Variants in ZNF883 observed in about 807,000 individuals in gnomAD.
The protein encoded by ZNF883 is zinc finger protein 883.
intron 1 of ZNF883, among the ~76,000 whole-genome samples, 171 bp downstream of exon 1, chr9:113,011,979 C>T (rs960984798): frequency 6.6e-6 from 1 of 152,190 alleles, no homozygotes; most frequent in Non-Finnish European, 1.5e-5. Flanking sequence ...ACCACCCCTC[C>T]ACTGCAACGT....
At chr9:112,993,530 C>T (rs2118601153), downstream of ZNF883, among the ~76,000 whole-genome samples, 1 of 152,330 alleles carries the variant, frequency 6.6e-6, no homozygotes, top group Non-Finnish European at 1.5e-5. Flanking sequence ...AGTCAGGAGG[C>T]ATGGGATCCA....
chr9:113,003,666 G>T (rs569309886), intron 2 of ZNF883, among the ~76,000 whole-genome samples: 5 of 151,514 alleles, frequency 3.3e-5, no homozygotes, highest in African/African-American at 9.7e-5. Context: ...AGATTCCACT[G>T]CCCTCAAACC....
chr9:112,990,783 T>C (rs1343858626), intron 1 of ZNF883, among the ~76,000 whole-genome samples: 2 of 152,090 alleles, frequency 1.3e-5, no homozygotes, highest in Non-Finnish European at 2.9e-5. Flanking sequence ...TATTATTGCC[T>C]AATTTCAGAA....
exon 1 of ZNF883, chr9:112,997,273 G>C: frequency 6.2e-7 from 1 of 1,614,100 alleles, no homozygotes. Context: ...TTAAGCTGAA[G>C]GATTTCCCAC....
At chr9:112,991,719 C>G (rs1431002586) in intron 1 of ZNF883, among the ~76,000 whole-genome samples, 1 of 152,126 alleles carries the variant, frequency 6.6e-6, no homozygotes, top group African/African-American at 2.4e-5. Context: ...GAATCTAAGT[C>G]TCTTTGTCGG....
At chr9:113,005,990 C>T (rs1340616711) in intron 2 of ZNF883, among the ~76,000 whole-genome samples, 1 of 151,578 alleles carries the variant, frequency 6.6e-6, no homozygotes, top group African/African-American at 2.4e-5. Context: ...CATATGACAC[C>T]ACTGGTAAGA....
chr9:112,988,351 T>A (rs1446161504), intron 1 of ZNF883, among the ~76,000 whole-genome samples: 2 of 115,260 alleles, frequency 1.7e-5, no homozygotes, highest in Non-Finnish European at 2.1e-5. Context: ...CCTGTGTCCA[T>A]GTGTTCTCAT....
chr9:112,992,378 G>C (rs1377421684), downstream of ZNF883, among the ~76,000 whole-genome samples: 1 of 152,188 alleles, frequency 6.6e-6, no homozygotes, highest in East Asian at 1.9e-4. Context: ...TGGGTTGGAA[G>C]TTCTTTCCTT....
At chr9:113,001,072 A>AG (rs946176504), upstream of ZNF883, among the ~76,000 whole-genome samples, 1 of 152,148 alleles carries the variant, frequency 6.6e-6, no homozygotes, top group African/African-American at 2.4e-5. Context: ...GAACAGAGAA[A>AG]GGACTAAGAA....
chr9:112,997,845 C>T (rs767174077), exon 1 of ZNF883: 1 of 1,612,974 alleles, frequency 6.2e-7, no homozygotes, highest in Non-Finnish European at 8.5e-7. Context: ...TGAGTAAGGG[C>T]AGAGATATGG....
At chr9:113,006,706 G>A (rs568316502) in intron 2 of ZNF883, among the ~76,000 whole-genome samples, 1 of 152,106 alleles carries the variant, frequency 6.6e-6, no homozygotes, top group East Asian at 1.9e-4. Context: ...ATAAACTTCA[G>A]AATTTGATAG....
At chr9:112,992,045 C>T (rs1403954314) in intron 1 of ZNF883, among the ~76,000 whole-genome samples, 1 of 152,180 alleles carries the variant, frequency 6.6e-6, no homozygotes, top group Non-Finnish European at 1.5e-5. Flanking sequence ...GCTTGCCATT[C>T]TGTGTCTTTT....
At chr9:113,001,846 T>TA (rs1828428997), upstream of ZNF883, 1 of 152,190 alleles carries the variant, frequency 6.6e-6, no homozygotes, top group Admixed American at 6.5e-5. Flanking sequence ...AAAGTAAGAC[T>TA]ATTTACAAAG....
chr9:113,002,672 T>A (rs571648283), upstream of ZNF883, among the ~76,000 whole-genome samples: 112 of 152,344 alleles, frequency 7.4e-4, no homozygotes, highest in African/African-American at 2.2e-3. Flanking sequence ...ACTATTTTCT[T>A]ACAGCTTGTT....
chr9:112,994,302 T>C (rs1349486433), downstream of ZNF883, among the ~76,000 whole-genome samples: 4 of 151,822 alleles, frequency 2.6e-5, no homozygotes, highest in Non-Finnish European at 5.9e-5. Flanking sequence ...TTTTCCTCAC[T>C]CTCCGTGCTT....
chr9:112,991,729 G>C (rs893912218), intron 1 of ZNF883, among the ~76,000 whole-genome samples: 1 of 152,138 alleles, frequency 6.6e-6, no homozygotes, highest in Non-Finnish European at 1.5e-5. Flanking sequence ...CTCTTTGTCG[G>C]TCTCTAAGAA....
intron 2 of ZNF883, among the ~76,000 whole-genome samples, chr9:113,005,475 G>A (rs1375333469): frequency 1.3e-5 from 2 of 152,114 alleles, no homozygotes. Flanking sequence ...TCATTCATCA[G>A]ATTGGCAAAA....
chr9:112,998,284 T>C, upstream of ZNF883: 1 of 1,448,278 alleles, frequency 6.9e-7, no homozygotes, highest in South Asian at 1.7e-5. Flanking sequence ...GGCTTTACAT[T>C]TATTTATTTT....
intron 1 of ZNF883, among the ~76,000 whole-genome samples, chr9:112,988,511 T>C (rs1339878432): frequency 6.6e-6 from 1 of 151,522 alleles, no homozygotes; most frequent in African/African-American, 2.4e-5. Context: ...TATTCCGTTT[T>C]CTTTATCCAG....
Sources: gnomAD v4.1 joint callset for allele counts (sites outside exome capture counted in the v4.1 genomes callset) on GRCh38, gnomAD v4.1.1 for gene constraint, MANE v1.5 for transcripts, NCBI Gene and HGNC (gene_info 2026-07-23, HGNC 2026-07-21) for gene names.